Variants in ATXN1 observed in about 807,000 individuals in gnomAD.
ATXN1 encodes the protein ataxin-1.
A neutral mutation model predicts 56.4 loss-of-function variants in ATXN1; 8 were observed. The observed-to-expected ratio is 0.14, with a 90% CI of 0.08 to 0.26. The LOEUF (loss-of-function observed/expected upper bound fraction) is 0.26, where lower values mean the gene tolerates loss of function less well. ATXN1 is among the 10% of genes least tolerant of loss of function. The pLI is 1.00. For synonymous variants in ATXN1, 514 were observed against 494.6 expected, an observed-to-expected ratio of 1.04 and a Z score of -0.52; for missense variants, 987 against 1,106.5, an observed-to-expected ratio of 0.89 and a Z score of 1.53.
intron 4 of ATXN1, among the ~76,000 whole-genome samples, chr6:16,568,345 C>A (rs1361469565): frequency 2.0e-5 from 3 of 152,302 alleles, no homozygotes; most frequent in Middle Eastern, 3.4e-3. Context: ...ATAAGTCAAC[C>A]TGACAAGCCC....
chr6:16,683,561 C>G (rs893495547), intron 2 of ATXN1, among the ~76,000 whole-genome samples: 1 of 152,194 alleles, frequency 6.6e-6, no homozygotes, highest in African/African-American at 2.4e-5. Context: ...TTCCCCTATT[C>G]TGGAGATCAC....
At chr6:16,692,183 G>C (rs1356982018) in intron 2 of ATXN1, among the ~76,000 whole-genome samples, 2 of 152,206 alleles carry the variant, frequency 1.3e-5, no homozygotes, top group Non-Finnish European at 2.9e-5. Flanking sequence ...TTGAACCTGG[G>C]AGGCGGAGGT....
intron 3 of ATXN1, among the ~76,000 whole-genome samples, chr6:16,653,520 C>G (rs188396289): frequency 6.6e-6 from 1 of 152,316 alleles, no homozygotes; most frequent in East Asian, 1.9e-4. Flanking sequence ...AAGGATAAAG[C>G]TTCTAGTTTA....
chr6:16,745,806 T>G (rs1162612397), intron 2 of ATXN1, among the ~76,000 whole-genome samples: 1 of 152,284 alleles, frequency 6.6e-6, no homozygotes, highest in East Asian at 1.9e-4. Flanking sequence ...AAGGTCCTTT[T>G]GAGATTCAAA....
intron 6 of ATXN1, among the ~76,000 whole-genome samples, chr6:16,478,908 T>C (rs1760380632): frequency 6.6e-6 from 1 of 152,210 alleles, no homozygotes; most frequent in East Asian, 1.9e-4. Flanking sequence ...ACCAACAGCC[T>C]GGGACCTGTG....
At chr6:16,650,837 T>C (rs1297934649) in intron 3 of ATXN1, among the ~76,000 whole-genome samples, 4 of 152,218 alleles carry the variant, frequency 2.6e-5, no homozygotes, top group Admixed American at 6.5e-5. Context: ...CCTTTTTCTG[T>C]CTATAAATCC....
chr6:16,607,120 C>T (rs973900985), intron 3 of ATXN1, among the ~76,000 whole-genome samples: 2 of 151,882 alleles, frequency 1.3e-5, no homozygotes, highest in South Asian at 2.1e-4. Context: ...GTGATCCACC[C>T]GCCTTGGCCT....
Position 16,504,617 on chromosome 6 carries a change from G to C in ATXN1, c.-299+18010C>G, listed in dbSNP as rs1760946695. 4.6e-5 allele frequency among the ~76,000 whole-genome samples: 7 copies of C among 152,196 alleles called. No homozygotes were observed. The South Asian group carries it at 1.5e-3, about 32-fold the overall frequency. ...CATTGCCAATCTCACACTTGGAGAAGCAAAAAGCAAAGAAGGAAAAGGACT... is the reference window on the plus strand; with the variant it reads ...CATTGCCAATCTCACACTTGGAGAACCAAAAAGCAAAGAAGGAAAAGGACT... On this transcript the variant is annotated intron_variant, in intron 5 of 7. Coordinates refer to ENST00000436367, the MANE Select transcript of ATXN1 (RefSeq NM_001128164.2).
rs929671011 is a variant in ATXN1, at chr6:16,484,955, G to A, written c.-161+1017C>T. On this transcript the variant is annotated intron_variant, in intron 6 of 7. Transcript: ENST00000436367. ...TGGAAACCTAAATATATATGTGTGT[G>A]TGTGTGTGTGTGTGTGTGTGTGTGT... Among the ~76,000 whole-genome samples, 960 of 108,198 alleles carry A rather than the reference G, an allele frequency of 8.9e-3. 2 individuals are homozygous for A. The highest frequency in any genetic ancestry group is 0.018 in the Middle Eastern group (4 of 226). 71.0% of individuals were successfully genotyped at this position (108,198 alleles called of 152,430 possible). A position where few individuals can be genotyped will look rare whatever the true frequency, so the allele number is the denominator to read the frequency against.
Position 16,703,507 on chromosome 6 carries a change from T to C in ATXN1, c.-614-45606A>G, listed in dbSNP as rs557071958. Among the ~76,000 whole-genome samples, 6 of 152,316 alleles carry C rather than the reference T, an allele frequency of 3.9e-5. No homozygotes were observed. The East Asian group carries it at 7.7e-4, about 20-fold the overall frequency. On this transcript the variant is annotated intron_variant, in intron 2 of 7. Transcript: ENST00000436367. The stretch of plus-strand genomic sequence containing the variant: ...TTAAAAAAATTCCTTTATAACTCTA[T>C]ATTTCTCTTTATAACCTCTATGAAA...
At chr6:16,668,070 T>G (rs1561800705) in intron 2 of ATXN1, among the ~76,000 whole-genome samples, 1 of 152,228 alleles carries the variant, frequency 6.6e-6, no homozygotes, top group Non-Finnish European at 1.5e-5. Flanking sequence ...TCTTAAAACC[T>G]TCTAGAGAAA....
At chr6:16,596,994 G>T (rs1160652188) in intron 3 of ATXN1, among the ~76,000 whole-genome samples, 2 of 152,168 alleles carry the variant, frequency 1.3e-5, no homozygotes, top group Admixed American at 1.3e-4. Flanking sequence ...GTGTCTCGCT[G>T]GCTGTGCACT....
intron 6 of ATXN1, among the ~76,000 whole-genome samples, chr6:16,446,236 T>C (rs934468829): frequency 6.6e-6 from 1 of 152,102 alleles, no homozygotes; most frequent in African/African-American, 2.4e-5. Context: ...TGAGATGGTA[T>C]CTCATTGTGG....
intron 4 of ATXN1, among the ~76,000 whole-genome samples, chr6:16,528,311 A>C (rs184659585): frequency 0.014 from 2,141 of 152,128 alleles, 17 homozygotes; most frequent in Non-Finnish European, 0.02. Context: ...AAAAAAAAAA[A>C]AAAAAAGAAA....
intron 6 of ATXN1, among the ~76,000 whole-genome samples, chr6:16,385,268 T>C (rs1758214205): frequency 6.6e-6 from 1 of 152,184 alleles, no homozygotes; most frequent in Admixed American, 6.5e-5. Flanking sequence ...TCAGAAGGGT[T>C]AGGCAGGAAC....
At chr6:16,382,829 A>AC (rs1191758408) in intron 6 of ATXN1, among the ~76,000 whole-genome samples, 2 of 145,786 alleles carry the variant, frequency 1.4e-5, no homozygotes, top group African/African-American at 2.6e-5. Context: ...CTGATGAGCT[A>AC]AAAAAAAAAT....
At chr6:16,578,642 CA>C (rs1412762927) in intron 4 of ATXN1, among the ~76,000 whole-genome samples, 1 of 152,042 alleles carries the variant, frequency 6.6e-6, no homozygotes, top group East Asian at 1.9e-4. Flanking sequence ...TGCTTACCTA[CA>C]ACACTATCTT....
intron 6 of ATXN1, among the ~76,000 whole-genome samples, chr6:16,398,976 A>C (rs1758510812): frequency 6.6e-6 from 1 of 152,226 alleles, no homozygotes; most frequent in African/African-American, 2.4e-5. Context: ...ACTCACCATG[A>C]GAGGACGATC....
chr6:16,730,008 C>T (rs1193007453), intron 2 of ATXN1, among the ~76,000 whole-genome samples: 5 of 152,216 alleles, frequency 3.3e-5, no homozygotes, highest in Non-Finnish European at 7.4e-5. Context: ...ATTGGCCAAG[C>T]GCGATGGCGC....
Sources: gnomAD v4.1 joint callset for allele counts (sites outside exome capture counted in the v4.1 genomes callset) on GRCh38, gnomAD v4.1.1 for gene constraint, MANE v1.5 for transcripts, NCBI Gene and HGNC (gene_info 2026-07-23, HGNC 2026-07-21) for gene names.